MEIS1: variants seen among roughly 807,000 people sequenced by gnomAD.
MEIS1 encodes homeobox protein Meis1.
A neutral mutation model predicts 50.8 loss-of-function variants in MEIS1; 5 were observed. The observed-to-expected ratio is 0.10, with a 90% CI of 0.05 to 0.21. The LOEUF is 0.21. Ranked by LOEUF, MEIS1 falls within the 10% of genes least tolerant of loss-of-function variation. MEIS1 has a pLI of 1.00. For missense variants in MEIS1, 318 were observed against 517.3 expected (o/e 0.61, Z 3.74); for synonymous variants, 176 against 179.3 (o/e 0.98, Z 0.15).
intron 7 of MEIS1, among the ~76,000 whole-genome samples, chr2:66,504,912 C>T (rs571566138): frequency 5.9e-5 from 9 of 152,232 alleles, no homozygotes; most frequent in African/African-American, 2.2e-4. Context: ...TGTTGTTTTC[C>T]TTTGATTAAC....
chr2:66,570,571 C>G (rs2103979711), intron 12 of MEIS1: 1 of 152,302 alleles, frequency 6.6e-6, no homozygotes, highest in South Asian at 2.1e-4. Flanking sequence ...AGCGTTATGC[C>G]TTTCACCCTT....
chr2:66,549,577 G>A (rs2103934330), intron 9 of MEIS1, among the ~76,000 whole-genome samples: 1 of 151,930 alleles, frequency 6.6e-6, no homozygotes, highest in East Asian at 1.9e-4. Flanking sequence ...CATCAATTTT[G>A]CGTGCACATC....
At chr2:66,513,921 C>A (rs571561852) in intron 8 of MEIS1, among the ~76,000 whole-genome samples, 10 of 152,206 alleles carry the variant, frequency 6.6e-5, no homozygotes, top group African/African-American at 2.4e-4. Context: ...TCATGAAAAA[C>A]GAATGATATG....
At chr2:66,466,907 T>C (rs547590340) in intron 7 of MEIS1, among the ~76,000 whole-genome samples, 2 of 150,854 alleles carry the variant, frequency 1.3e-5, no homozygotes, top group African/African-American at 4.9e-5. Flanking sequence ...TCATTCCTTT[T>C]CCATTTTTAC....
chr2:66,564,898 A>C (rs919332611), intron 9 of MEIS1, among the ~76,000 whole-genome samples: 4 of 150,924 alleles, frequency 2.7e-5, no homozygotes, highest in Admixed American at 6.6e-5. Context: ...TGTTTTTGCC[A>C]CTGAAAGTAA....
intron 7 of MEIS1, among the ~76,000 whole-genome samples, chr2:66,504,013 G>T (rs908116874): frequency 2.0e-5 from 3 of 151,898 alleles, no homozygotes; most frequent in African/African-American, 7.3e-5. Flanking sequence ...CCAAAGAGCT[G>T]GGATTACAAG....
intron 7 of MEIS1, among the ~76,000 whole-genome samples, chr2:66,490,066 T>C (rs2103804590): frequency 1.3e-5 from 2 of 152,318 alleles, no homozygotes; most frequent in East Asian, 3.9e-4. Flanking sequence ...TCTGTTCAAC[T>C]GGTTTTAAAA....
intron 5 of MEIS1, chr2:66,441,703 TGGC>T (rs993803111): frequency 1.2e-5 from 6 of 483,938 alleles, no homozygotes; most frequent in African/African-American, 1.0e-4. Flanking sequence ...AATAACTTGC[TGGC>T]TTTGTGTAAA....
At chr2:66,440,425 C>A in intron 3 of MEIS1, 137 bp from the exon 4 acceptor site, 1 of 745,682 alleles carries the variant, frequency 1.3e-6, no homozygotes, top group Non-Finnish European at 2.4e-6. Context: ...CTCGGTGTCA[C>A]CGGGTCCCTC....
At chr2:66,546,149 T>A (rs1674785942) in intron 8 of MEIS1, among the ~76,000 whole-genome samples, 1 of 152,096 alleles carries the variant, frequency 6.6e-6, no homozygotes, top group African/African-American at 2.4e-5. Context: ...TGCTTGCTAT[T>A]AGGGAAATAA....
chr2:66,459,228 C>T (rs762634480), intron 6 of MEIS1, among the ~76,000 whole-genome samples: 4 of 152,102 alleles, frequency 2.6e-5, no homozygotes, highest in Non-Finnish European at 5.9e-5. Flanking sequence ...CAGAGCAAGG[C>T]ACTGCAGGCA....
chr2:66,568,936 A>ATC, intron 11 of MEIS1, 114 bp from the exon 12 acceptor site: 1 of 1,119,534 alleles, frequency 8.9e-7, no homozygotes, highest in Non-Finnish European at 1.4e-6. Flanking sequence ...TGCACTGAAG[A>ATC]TCTCACTATT....
intron 7 of MEIS1, 124 bp from the exon 8 acceptor site, chr2:66,512,025 G>C: frequency 8.8e-7 from 1 of 1,137,744 alleles, no homozygotes; most frequent in Non-Finnish European, 1.2e-6. Flanking sequence ...CAAAAAAACA[G>C]TACCAAAGAA....
intron 8 of MEIS1, among the ~76,000 whole-genome samples, chr2:66,530,869 A>G (rs1180912958): frequency 6.6e-6 from 1 of 152,252 alleles, no homozygotes; most frequent in Non-Finnish European, 1.5e-5. Flanking sequence ...ATTGTACATT[A>G]TCTTTCAGTA....
chr2:66,529,287 G>T (rs1244163867), intron 8 of MEIS1, among the ~76,000 whole-genome samples: 1 of 152,144 alleles, frequency 6.6e-6, no homozygotes, highest in African/African-American at 2.4e-5. Flanking sequence ...ATAGATGCTT[G>T]ATATTATTTA....
intron 7 of MEIS1, among the ~76,000 whole-genome samples, chr2:66,487,490 A>G (rs2103799136): frequency 6.6e-6 from 1 of 152,352 alleles, no homozygotes; most frequent in South Asian, 2.1e-4. Context: ...CAAACTGTTT[A>G]ACCACTTATT....
chr2:66,471,340 G>A (rs768767687), intron 7 of MEIS1, among the ~76,000 whole-genome samples: 9 of 152,152 alleles, frequency 5.9e-5, no homozygotes, highest in Admixed American at 2.0e-4. Context: ...TAAAAGGTGC[G>A]ATATTTATTG....
At chr2:66,509,321 ATTG>A (rs1453368015) in intron 7 of MEIS1, among the ~76,000 whole-genome samples, 4 of 152,148 alleles carry the variant, frequency 2.6e-5, no homozygotes, top group Non-Finnish European at 5.9e-5. Context: ...AGCAGGGTTT[ATTG>A]TTTTAGGCTT....
Position 66,464,144 on chromosome 2 carries a change from T to C in MEIS1, c.666T>C (p.Ser222=). ...ACAGAGATCATGATGACACGGCATC[T>C]ACTCGTTCAGGAGGAACCCCAGGCC... ...SWNRDHDDTA[S]TRSGGTPGPS... The change falls in exon 7 of 13, where the codon TCT becomes TCC. Residue 222 remains serine, a synonymous_variant. Coordinates refer to ENST00000272369, the MANE Select transcript of MEIS1 (RefSeq NM_002398.3). The C allele has an allele frequency of 6.2e-7, 1 of 1,605,174 alleles. No homozygotes were observed. Among genetic ancestry groups the C allele is most frequent in the Middle Eastern group, 1.7e-4 (1 of 5,996 alleles).
Sources: gnomAD v4.1 joint callset for allele counts (sites outside exome capture counted in the v4.1 genomes callset) on GRCh38, gnomAD v4.1.1 for gene constraint, MANE v1.5 for transcripts, NCBI Gene and HGNC (gene_info 2026-07-23, HGNC 2026-07-21) for gene names.